Variants in DNASE1 observed in about 807,000 individuals in gnomAD.
DNASE1 encodes deoxyribonuclease-1.
Under a neutral mutation model 33.9 loss-of-function variants are expected in DNASE1, and 40 were observed. That is an observed-to-expected ratio of 1.18 (90% CI 0.92 to 1.54). DNASE1 has a LOEUF of 1.54. Ranked by LOEUF, DNASE1 falls within the 40% of genes most tolerant of loss-of-function variation. DNASE1 has a pLI of 0.00. For missense variants in DNASE1, 518 were observed against 372.6 expected, an observed-to-expected ratio of 1.39 and a Z score of -3.21; for synonymous variants, 216 against 160.0, an observed-to-expected ratio of 1.35 and a Z score of -2.64.
chr16:3,636,213 C>T (rs1024326232), intron 1 of DNASE1, among the ~76,000 whole-genome samples: 5 of 151,314 alleles, frequency 3.3e-5, no homozygotes, highest in African/African-American at 7.3e-5. Flanking sequence ...TGTATCTAAT[C>T]GATGAATCCA....
At position 3,656,991 on chromosome 16, in the gene DNASE1, C is replaced by G. The variant is rs143161590; in HGVS notation, c.437-8C>G. ...AGTGTGCCTCACACGACGTGGCTGT[C>G]TCCACAGAGGTCAGGGAGTTTGCCA... On this transcript the variant is annotated splice_region_variant and splice_polypyrimidine_tract_variant and intron_variant, in intron 5 of 8. Transcript: ENST00000246949. The G allele has an allele frequency of 8.7e-6, 14 of 1,613,158 alleles. No individual in the cohort carries two copies. Among genetic ancestry groups the G allele is most frequent in the Non-Finnish European group, 8.5e-6 (10 of 1,179,768 alleles).
downstream of DNASE1, chr16:3,661,986 C>T (rs1404572216): frequency 1.2e-6 from 2 of 1,603,766 alleles, no homozygotes; most frequent in East Asian, 2.2e-5. Context: ...CGTGGCCTCA[C>T]CTGGGGTTGA....
chr16:3,657,976 G>A lies in DNASE1; in HGVS notation c.*23G>A. ...TGAGCAGCCCCTCCCCACACCAGTTGAACTGCAGGAAGAGAGGACCCATCC... is the reference window on the plus strand; with the variant it reads ...TGAGCAGCCCCTCCCCACACCAGTTAAACTGCAGGAAGAGAGGACCCATCC... On this transcript the variant is annotated 3_prime_UTR_variant, in exon 9 of 9. Coordinates refer to ENST00000246949, the MANE Select transcript of DNASE1 (RefSeq NM_005223.4). The A allele has an allele frequency of 6.2e-7, 1 of 1,613,564 alleles. No individual in the cohort carries two copies. Among genetic ancestry groups the A allele is most frequent in the Non-Finnish European group, 8.5e-7 (1 of 1,179,888 alleles).
chr16:3,626,290 C>T (rs1256778705), intron 1 of DNASE1, among the ~76,000 whole-genome samples: 1 of 151,680 alleles, frequency 6.6e-6, no homozygotes, highest in East Asian at 1.9e-4. Flanking sequence ...AAAGAAAATG[C>T]AAATTAAACC....
In DNASE1 at chr16:3,617,326, C is replaced by CAAAAAAAAAAAAAAAAAAAAAAA. The variant is rs56670885; in HGVS notation, c.-1359+5325_-1359+5347dup. On this transcript the variant is annotated intron_variant and NMD_transcript_variant, in intron 1 of 11. Transcript: ENST00000570769. ...AGTCAACAAGAGCGAAACTCCATCT[C>CAAAAAAAAAAAAAAAAAAAAAAA]AAAAAAAAAAAAAAAAAAAAAAAAA... is the stretch of plus-strand genomic sequence containing the variant. 7.1e-4 allele frequency among the ~76,000 whole-genome samples: 41 copies of CAAAAAAAAAAAAAAAAAAAAAAA among 57,714 alleles called. 2 individuals are homozygous for CAAAAAAAAAAAAAAAAAAAAAAA. Among genetic ancestry groups the CAAAAAAAAAAAAAAAAAAAAAAA allele is most frequent in the African/African-American group, 2.5e-3 (32 of 12,920 alleles). 37.9% of individuals were successfully genotyped at this position (57,714 alleles called of 152,430 possible).
chr16:3,621,246 C>T (rs917515896), intron 1 of DNASE1, among the ~76,000 whole-genome samples: 6 of 152,090 alleles, frequency 3.9e-5, no homozygotes, highest in Admixed American at 3.3e-4. Context: ...CCACCACACC[C>T]AACTGACTTT....
At chr16:3,617,743 T>C (rs915033075) in intron 1 of DNASE1, among the ~76,000 whole-genome samples, 2 of 152,088 alleles carry the variant, frequency 1.3e-5, no homozygotes, top group East Asian at 3.9e-4. Context: ...CCCAGGAGTT[T>C]GAGACCAGCC....
intron 1 of DNASE1, among the ~76,000 whole-genome samples, chr16:3,635,327 G>T (rs992710716): frequency 1.3e-5 from 2 of 151,646 alleles, no homozygotes; most frequent in East Asian, 3.9e-4. Flanking sequence ...GCGTGGTGGC[G>T]TGTGCCTATA....
chr16:3,616,039 G>C (rs1168749103), intron 1 of DNASE1, among the ~76,000 whole-genome samples: 2 of 152,136 alleles, frequency 1.3e-5, no homozygotes, highest in African/African-American at 4.8e-5. Flanking sequence ...CTGTTGTATA[G>C]TCACATTTTC....
chr16:3,617,363 A>G (rs185919529), intron 1 of DNASE1, among the ~76,000 whole-genome samples: 46 of 150,630 alleles, frequency 3.1e-4, no homozygotes, highest in African/African-American at 1.1e-3. Flanking sequence ...AGAATACTAC[A>G]AGGGTAAATC....
intron 1 of DNASE1, among the ~76,000 whole-genome samples, chr16:3,647,859 A>G (rs184601251): frequency 1.3e-5 from 2 of 149,148 alleles, no homozygotes; most frequent in South Asian, 4.3e-4. Context: ...AAAAAGAACA[A>G]TTTTTTTTTT....
At chr16:3,614,572 G>A (rs1028004045) in intron 1 of DNASE1, among the ~76,000 whole-genome samples, 1 of 152,138 alleles carries the variant, frequency 6.6e-6, no homozygotes, top group East Asian at 1.9e-4. Context: ...CCTTTGGGTG[G>A]TCTCTAGTTG....
exon 10 of DNASE1, chr16:3,664,353 A>T (rs779151179): frequency 3.7e-6 from 6 of 1,612,548 alleles, no homozygotes; most frequent in Non-Finnish European, 4.2e-6. Flanking sequence ...CAGGTAGTAG[A>T]TGTTGCGGGT....
rs780992830 is a variant in DNASE1 at position 3,663,597 on chromosome 16, G to A, written c.*5644G>A. The A allele has an allele frequency of 5.1e-5, 82 of 1,610,700 alleles. 1 individual carries two copies. Among genetic ancestry groups the A allele is most frequent in the South Asian group, 3.4e-4 (31 of 91,020 alleles). On this transcript the variant is annotated 3_prime_UTR_variant, in exon 10 of 10. Coordinates refer to the DNASE1 transcript ENST00000407479. ...GCCAAGAGCAGCTCCATCAGACCCC[G>A]GGGGCCTCCAGCCACCACAGAAGAA...
At chr16:3,626,667 G>C (rs1031496222) in intron 1 of DNASE1, among the ~76,000 whole-genome samples, 1 of 152,166 alleles carries the variant, frequency 6.6e-6, no homozygotes, top group African/African-American at 2.4e-5. Context: ...ATGGTGTTCA[G>C]GTTGCTGATT....
intron 1 of DNASE1, among the ~76,000 whole-genome samples, chr16:3,620,925 G>C (rs112984039): frequency 0.065 from 9,922 of 151,698 alleles, 332 homozygotes; most frequent in Admixed American, 0.077. Context: ...CTCAGCCTCC[G>C]GAGTAGCTGG....
chr16:3,623,426 G>T (rs2041392880), intron 1 of DNASE1, among the ~76,000 whole-genome samples: 1 of 152,112 alleles, frequency 6.6e-6, no homozygotes, highest in South Asian at 2.1e-4. Flanking sequence ...CCTAGGCAAA[G>T]AATATATGAC....
downstream of DNASE1, chr16:3,662,354 G>C (rs958919938): frequency 3.2e-6 from 2 of 619,596 alleles, no homozygotes; most frequent in South Asian, 4.1e-5. Flanking sequence ...CACCACCCTG[G>C]TGCCCCGCTG....
At position 3,648,470 on chromosome 16, in the gene DNASE1, G is replaced by A. The variant is rs1035881180; in HGVS notation, c.-86+5434G>A. ...CCAGCTACTCAGGAGGCTGAGGCAG[G>A]AGAATGGCATGAACCCCAGAGGTGA... On this transcript the variant is annotated intron_variant, in intron 1 of 9. Coordinates refer to the DNASE1 transcript ENST00000407479. Among the ~76,000 whole-genome samples the A allele has an allele frequency of 2.6e-5, 4 of 152,202 alleles. No homozygotes were observed. In the East Asian group the frequency reaches 5.8e-4, roughly 22 times the overall value.
Sources: allele counts gnomAD v4.1 joint callset (sites outside exome capture counted in the v4.1 genomes callset), GRCh38; gene constraint gnomAD v4.1.1; transcripts MANE v1.5; gene names NCBI Gene and HGNC (gene_info 2026-07-23, HGNC 2026-07-21).